TUT4: variants seen among roughly 807,000 people sequenced by gnomAD.
TUT4 encodes terminal uridylyltransferase 4.
In TUT4, 36 loss-of-function variants were observed where a neutral mutation model predicts 192.2. The observed-to-expected ratio is 0.19, with a 90% CI of 0.14 to 0.25. The LOEUF (loss-of-function observed/expected upper bound fraction) is 0.25. Among genes scored for constraint, TUT4 ranks in the 10% least tolerant of loss-of-function variants. The pLI is 1.00. For synonymous variants in TUT4, 618 were observed against 666.0 expected (o/e 0.93, Z 1.11); for missense variants, 1,493 against 1,957.2 (o/e 0.76, Z 4.47).
chr1:52,447,583 A>G (rs555018572), intron 20 of TUT4, among the ~76,000 whole-genome samples: 8 of 152,212 alleles, frequency 5.3e-5, no homozygotes, highest in South Asian at 2.1e-4. Flanking sequence ...AAAAAAGGAG[A>G]AAAAAACGCT....
rs1392236960 is a variant in TUT4, at chr1:52,476,950, C to T, written c.2023+758G>A. ...GGAGCCACTCTATTGTTTTCTGTATCTCCAAAGATCTTAATGGTCTTGGGA... is the reference window on the plus strand; with the variant it reads ...GGAGCCACTCTATTGTTTTCTGTATTTCCAAAGATCTTAATGGTCTTGGGA... On this transcript the variant is annotated intron_variant, in intron 12 of 29. Coordinates refer to ENST00000257177, the MANE Select transcript of TUT4 (RefSeq NM_001009881.3). 3.3e-5 allele frequency among the ~76,000 whole-genome samples: 5 copies of T among 152,186 alleles called. No homozygotes were observed. In the East Asian group the frequency reaches 9.6e-4, roughly 29 times the overall value.
At chr1:52,493,784 T>TA (rs1392090066) in intron 6 of TUT4, 122 bp from the exon 7 acceptor site, 1 of 692,796 alleles carries the variant, frequency 1.4e-6, no homozygotes, top group African/African-American at 1.9e-5. Context: ...GTGTTTTAAA[T>TA]AGTGAAAACA....
intron 11 of TUT4, among the ~76,000 whole-genome samples, chr1:52,479,490 G>A (rs1204224319): frequency 2.6e-5 from 4 of 152,110 alleles, no homozygotes; most frequent in Non-Finnish European, 5.9e-5. Context: ...GATACATGTT[G>A]AAGTAGAGAT....
At chr1:52,549,839 C>T (rs1688959273) in intron 1 of TUT4, among the ~76,000 whole-genome samples, 1 of 152,054 alleles carries the variant, frequency 6.6e-6, no homozygotes, top group South Asian at 2.1e-4. Context: ...GTGCCTGGAA[C>T]AAAACAGGCA....
intron 1 of TUT4, among the ~76,000 whole-genome samples, chr1:52,539,732 C>A (rs1432977352): frequency 6.6e-6 from 1 of 151,350 alleles, no homozygotes; most frequent in Non-Finnish European, 1.5e-5. Flanking sequence ...CATGGTGAAA[C>A]CCTGTCTCTA....
chr1:52,482,465 G>A (rs1298861195), intron 9 of TUT4, among the ~76,000 whole-genome samples: 1 of 152,024 alleles, frequency 6.6e-6, no homozygotes, highest in Non-Finnish European at 1.5e-5. Context: ...TTTGAGACAG[G>A]GTCTTGCTCT....
intron 28 of TUT4, among the ~76,000 whole-genome samples, chr1:52,426,207 A>G (rs1359595240): frequency 6.6e-6 from 1 of 152,118 alleles, no homozygotes; most frequent in Non-Finnish European, 1.5e-5. Flanking sequence ...CTAAGCTCAA[A>G]TCTCATTTCC....
At chr1:52,443,363 C>T (rs1019152375) in intron 24 of TUT4, among the ~76,000 whole-genome samples, 3 of 151,164 alleles carry the variant, frequency 2.0e-5, no homozygotes, top group Admixed American at 6.6e-5. Flanking sequence ...CTGAGATGGG[C>T]GGATCACCTG....
chr1:52,425,637 A>T, intron 28 of TUT4, 130 bp from the exon 29 acceptor site: 1 of 1,153,700 alleles, frequency 8.7e-7, no homozygotes, highest in East Asian at 2.7e-5. Context: ...AGAGAATACC[A>T]AACAAACTTT....
chr1:52,520,808 T>C (rs1680045354), intron 2 of TUT4, among the ~76,000 whole-genome samples: 1 of 152,200 alleles, frequency 6.6e-6, no homozygotes, highest in African/African-American at 2.4e-5. Flanking sequence ...TTCTTTTTTT[T>C]TGAGATGGAG....
chr1:52,500,324 A>T (rs1448403934), intron 4 of TUT4, among the ~76,000 whole-genome samples: 2 of 152,192 alleles, frequency 1.3e-5, no homozygotes, highest in East Asian at 3.8e-4. Flanking sequence ...AAATGGATCA[A>T]AGACCTAAAT....
At chr1:52,473,628 G>T (rs944890208) in intron 13 of TUT4, among the ~76,000 whole-genome samples, 13 of 151,930 alleles carry the variant, frequency 8.6e-5, no homozygotes, top group Non-Finnish European at 1.6e-4. Flanking sequence ...TAATAATTAG[G>T]TTAAACATCT....
intron 15 of TUT4, among the ~76,000 whole-genome samples, chr1:52,465,521 A>G (rs1332486253): frequency 6.6e-6 from 1 of 152,192 alleles, no homozygotes; most frequent in African/African-American, 2.4e-5. Context: ...TACAGGTGCA[A>G]TCCTTAATAT....
At chr1:52,462,175 C>CTTTTTTTTTTTTTTTTTT (rs1210058850) in intron 16 of TUT4, 1 of 121,060 alleles carries the variant, frequency 8.3e-6, no homozygotes. Context: ...GGATTCAAAT[C>CTTTTTTTTTTTTTTTTTT]TTTTTTTTTT....
intron 16 of TUT4, chr1:52,463,843 C>T: frequency 7.9e-7 from 1 of 1,259,328 alleles, no homozygotes; most frequent in Non-Finnish European, 1.1e-6. Context: ...TGGGGAAGGT[C>T]TGCTCCTGGC....
chr1:52,519,031 T>C (rs1422658812), intron 2 of TUT4, among the ~76,000 whole-genome samples: 1 of 152,088 alleles, frequency 6.6e-6, no homozygotes, highest in Non-Finnish European at 1.5e-5. Context: ...ATATATATAC[T>C]GAAAAAATGA....
chr1:52,436,680 T>G, intron 26 of TUT4, 75 bp downstream of exon 26: 1 of 1,590,998 alleles, frequency 6.3e-7, no homozygotes, highest in Non-Finnish European at 8.6e-7. Flanking sequence ...AGAGAGGAAT[T>G]AGGGTCATTT....
intron 2 of TUT4, among the ~76,000 whole-genome samples, chr1:52,524,331 T>G (rs1447880727): frequency 6.7e-6 from 1 of 149,552 alleles, no homozygotes; most frequent in Admixed American, 6.6e-5. Flanking sequence ...GTCAGGAGAT[T>G]GAGACCACGG....
intron 6 of TUT4, 58 bp from the exon 7 acceptor site, chr1:52,493,720 A>G (rs1247660895): frequency 7.4e-6 from 8 of 1,075,086 alleles, no homozygotes; most frequent in Non-Finnish European, 1.1e-5. Context: ...ACAGCAGAAC[A>G]TTAAGGAAAA....
Sources: allele counts gnomAD v4.1 joint callset (sites outside exome capture counted in the v4.1 genomes callset), GRCh38; gene constraint gnomAD v4.1.1; transcripts MANE v1.5; gene names NCBI Gene and HGNC (gene_info 2026-07-23, HGNC 2026-07-21).